AKAP13: variants seen among roughly 807,000 people sequenced by gnomAD.
AKAP13 encodes A-kinase anchor protein 13.
In AKAP13, 80 loss-of-function variants were observed where a neutral mutation model predicts 264.5. The observed-to-expected ratio is 0.30, with a 90% CI of 0.25 to 0.36. The LOEUF (loss-of-function observed/expected upper bound fraction) is 0.36. AKAP13 is among the 10% of genes least tolerant of loss of function. AKAP13 has a pLI of 1.00. For synonymous variants in AKAP13, 1,380 were observed against 1,250.2 expected, an observed-to-expected ratio of 1.10 and a Z score of -2.19; for missense variants, 3,712 against 3,435.2, an observed-to-expected ratio of 1.08 and a Z score of -2.01.
At chr15:85,625,832 A>T (rs557997502) in intron 8 of AKAP13, among the ~76,000 whole-genome samples, 2 of 137,614 alleles carry the variant, frequency 1.5e-5, no homozygotes, top group Non-Finnish European at 3.2e-5. Flanking sequence ...TGGTTGTTTG[A>T]GTGAGAAAGA....
At chr15:85,495,431 C>T (rs188648746) in intron 2 of AKAP13, among the ~76,000 whole-genome samples, 22 of 152,254 alleles carry the variant, frequency 1.4e-4, no homozygotes, top group African/African-American at 5.3e-4. Flanking sequence ...TATAAGAACA[C>T]ATTTCAAGAG....
chr15:85,438,205 C>T (rs1295577694), intron 1 of AKAP13, among the ~76,000 whole-genome samples: 1 of 141,206 alleles, frequency 7.1e-6, no homozygotes, highest in African/African-American at 2.9e-5. Context: ...CATGAGTGAA[C>T]TCCCATTCAC....
intron 5 of AKAP13, among the ~76,000 whole-genome samples, chr15:85,556,222 TAATA>T (rs2078139963): frequency 6.6e-6 from 1 of 152,170 alleles, no homozygotes; most frequent in Admixed American, 6.5e-5. Flanking sequence ...TAAAAGTAAA[TAATA>T]AACCAACAAC....
At chr15:85,410,876 GT>G (rs947132565) in intron 1 of AKAP13, among the ~76,000 whole-genome samples, 1 of 151,646 alleles carries the variant, frequency 6.6e-6, no homozygotes, top group Non-Finnish European at 1.5e-5. Context: ...TCTGTATTGT[GT>G]TAGCTTTTTG....
chr15:85,390,610 A>G (rs1399959553), intron 1 of AKAP13, among the ~76,000 whole-genome samples: 1 of 152,202 alleles, frequency 6.6e-6, no homozygotes, highest in East Asian at 1.9e-4. Context: ...TACTCTTGGC[A>G]TAGGGAGCAG....
chr15:85,709,096 A>T (rs890367107), intron 18 of AKAP13, among the ~76,000 whole-genome samples: 26 of 152,184 alleles, frequency 1.7e-4, no homozygotes, highest in Admixed American at 6.5e-5. Context: ...TAGTATTTTT[A>T]AAATGTGAGT....
chr15:85,720,039 C>A (rs1338876666), intron 23 of AKAP13, among the ~76,000 whole-genome samples: 3 of 152,072 alleles, frequency 2.0e-5, no homozygotes, highest in Admixed American at 6.5e-5. Flanking sequence ...TCAAGACTAG[C>A]CTGGCAACGT....
intron 2 of AKAP13, among the ~76,000 whole-genome samples, chr15:85,487,224 T>G (rs1276553539): frequency 1.3e-5 from 2 of 152,224 alleles, no homozygotes; most frequent in East Asian, 3.8e-4. Flanking sequence ...ATCGTTTTCT[T>G]CCTTTCCAAT....
intron 9 of AKAP13, among the ~76,000 whole-genome samples, chr15:85,642,979 C>A (rs1212857096): frequency 6.6e-6 from 1 of 151,252 alleles, no homozygotes; most frequent in African/African-American, 2.4e-5. Flanking sequence ...TAGATCACAC[C>A]CACCAACTCC....
Position 85,543,687 on chromosome 15 carries a change from G to A in AKAP13, c.479-85G>A, listed in dbSNP as rs551674620. ...CAATCTTAGGCACTTGGAGGCAGTG[G>A]TGTTTACATAACTTGTCTTTATGTT... On this transcript the variant is annotated intron_variant, in intron 4 of 36. Coordinates refer to ENST00000394518, the MANE Select transcript of AKAP13 (RefSeq NM_007200.5). 88 of 1,383,522 alleles carry A rather than the reference G, an allele frequency of 6.4e-5. No individual in the cohort carries two copies. The African/African-American group carries it at 1.1e-3, about 17-fold the overall frequency. The allele number at this position is 1,383,522 out of a possible 1,614,324, so 85.7% of individuals were successfully genotyped here.
chr15:85,508,741 G>A (rs1020643185), intron 2 of AKAP13, among the ~76,000 whole-genome samples: 8 of 151,926 alleles, frequency 5.3e-5, no homozygotes, highest in Non-Finnish European at 7.4e-5. Flanking sequence ...TTCCAACCTC[G>A]CCTTCCATCC....
chr15:85,633,821 G>A (rs903266187), intron 8 of AKAP13, among the ~76,000 whole-genome samples: 2 of 151,826 alleles, frequency 1.3e-5, no homozygotes, highest in Admixed American at 1.3e-4. Flanking sequence ...TGGGATTACA[G>A]GTATGAGCCA....
intron 8 of AKAP13, among the ~76,000 whole-genome samples, chr15:85,637,098 G>A (rs372296957): frequency 6.6e-6 from 1 of 152,144 alleles, no homozygotes; most frequent in East Asian, 1.9e-4. Context: ...TATTCCTGAG[G>A]AATATTGATC....
intron 4 of AKAP13, among the ~76,000 whole-genome samples, chr15:85,541,672 A>G (rs1219196530): frequency 2.0e-5 from 3 of 152,242 alleles, no homozygotes; most frequent in East Asian, 3.8e-4. Flanking sequence ...TATTAATTCT[A>G]TGAATCTGCC....
At chr15:85,655,165 C>G (rs368017182) in intron 10 of AKAP13, among the ~76,000 whole-genome samples, 16 of 152,242 alleles carry the variant, frequency 1.1e-4, no homozygotes, top group African/African-American at 3.1e-4. Flanking sequence ...GTACTCCAGC[C>G]TGGGCGACAG....
At chr15:85,447,544 C>G (rs1439918786) in intron 1 of AKAP13, among the ~76,000 whole-genome samples, 1 of 152,022 alleles carries the variant, frequency 6.6e-6, no homozygotes, top group Non-Finnish European at 1.5e-5. Flanking sequence ...AAATAGACCC[C>G]AGTGTCTGTT....
intron 16 of AKAP13, chr15:85,691,871 A>G: frequency 2.0e-6 from 1 of 491,718 alleles, no homozygotes; most frequent in South Asian, 1.5e-5. Context: ...GAGGTCAGAG[A>G]GCACGGCGTA....
chr15:85,434,769 T>G (rs2073196041), intron 1 of AKAP13, among the ~76,000 whole-genome samples: 1 of 151,696 alleles, frequency 6.6e-6, no homozygotes, highest in South Asian at 2.1e-4. Flanking sequence ...TCCTGTCTGT[T>G]AGAAGGAAAA....
chr15:85,427,280 A>G (rs2072836901), intron 1 of AKAP13, among the ~76,000 whole-genome samples: 1 of 151,960 alleles, frequency 6.6e-6, no homozygotes, highest in Admixed American at 6.6e-5. Flanking sequence ...GGTTTATAAG[A>G]ATTGAAACCT....
Sources: allele counts gnomAD v4.1 joint callset (sites outside exome capture counted in the v4.1 genomes callset), GRCh38; gene constraint gnomAD v4.1.1; transcripts MANE v1.5; gene names NCBI Gene and HGNC (gene_info 2026-07-23, HGNC 2026-07-21).